Variants in RAI14 observed in about 807,000 individuals in gnomAD.
RAI14 encodes the protein retinoic acid induced 14.
RAI14 carries 45 observed loss-of-function variants against 115.4 expected under a neutral mutation model. The ratio of observed to expected loss-of-function variants is 0.39; its 90% CI spans 0.31 to 0.50. The LOEUF is 0.50. Among genes scored for constraint, RAI14 ranks in the 20% least tolerant of loss-of-function variants. The probability of loss-of-function intolerance (pLI) is 0.85; values close to 1 mark genes in which losing one functional copy is unlikely to be tolerated. For missense variants in RAI14, 939 were observed against 1,131.2 expected, an observed-to-expected ratio of 0.83 and a Z score of 2.44; for synonymous variants, 371 against 415.4, an observed-to-expected ratio of 0.89 and a Z score of 1.30.
intron 3 of RAI14, among the ~76,000 whole-genome samples, chr5:34,787,648 G>A (rs575227486): frequency 1.7e-3 from 254 of 152,144 alleles, no homozygotes; most frequent in African/African-American, 5.4e-3. Context: ...AGGAGGTGAC[G>A]AAAATATTCT....
intron 2 of RAI14, among the ~76,000 whole-genome samples, chr5:34,709,274 C>A (rs1178492469): frequency 6.6e-6 from 1 of 151,996 alleles, no homozygotes; most frequent in Non-Finnish European, 1.5e-5. Context: ...TTGGCGAAAC[C>A]CCGTCTCTAC....
At chr5:34,740,501 A>C (rs1246196038) in intron 2 of RAI14, among the ~76,000 whole-genome samples, 2 of 152,186 alleles carry the variant, frequency 1.3e-5, no homozygotes, top group Non-Finnish European at 2.9e-5. Flanking sequence ...CCCATATGGG[A>C]ACCTCAATGA....
rs1214125761 is a variant in RAI14 at position 34,831,010 on chromosome 5, C to A, written c.*245C>A. The A allele has an allele frequency of 7.9e-6, 5 of 631,762 alleles. No individual in the cohort carries two copies. The East Asian group carries it at 2.2e-4, about 27-fold the overall frequency. The allele number at this position is 631,762 out of a possible 1,614,324, so 39.1% of individuals were successfully genotyped here. A position where few individuals can be genotyped will look rare whatever the true frequency, so the allele number is the denominator to read the frequency against. The stretch of plus-strand genomic sequence containing the variant: ...TCCCTTCAGATTCCAGAGCTGGGAT[C>A]AGCCATGCCCAGAGGTCTGGTCCTG... On this transcript the variant is annotated 3_prime_UTR_variant, in exon 18 of 18. Coordinates refer to ENST00000265109, the MANE Select transcript of RAI14 (RefSeq NM_015577.3).
chr5:34,692,652 A>G (rs995137697), intron 2 of RAI14, among the ~76,000 whole-genome samples: 10 of 152,044 alleles, frequency 6.6e-5, no homozygotes, highest in African/African-American at 2.4e-4. Flanking sequence ...AAAATCAGCA[A>G]TGACCCCACT....
chr5:34,713,807 T>C (rs929685283), intron 2 of RAI14, among the ~76,000 whole-genome samples: 3 of 152,192 alleles, frequency 2.0e-5, no homozygotes, highest in African/African-American at 4.8e-5. Context: ...TGAATTTCTT[T>C]TCTTTTCCTT....
intron 3 of RAI14, among the ~76,000 whole-genome samples, chr5:34,770,851 T>A (rs1018086770): frequency 5.9e-5 from 9 of 152,352 alleles, no homozygotes; most frequent in African/African-American, 1.7e-4. Flanking sequence ...ATCCTGTTTT[T>A]TAAAATATTA....
chr5:34,695,922 A>G (rs1358667931), intron 2 of RAI14, among the ~76,000 whole-genome samples: 2 of 151,622 alleles, frequency 1.3e-5, no homozygotes, highest in African/African-American at 4.9e-5. Context: ...GGCTCAAGCA[A>G]TCCTCTTGCC....
chr5:34,802,660 T>C (rs897488127), intron 4 of RAI14, among the ~76,000 whole-genome samples: 4 of 152,192 alleles, frequency 2.6e-5, no homozygotes, highest in African/African-American at 9.7e-5. Context: ...CTCACCAAGC[T>C]TATATTCTCA....
In RAI14 at chr5:34,757,348, C is replaced by G. The variant is rs554317856; in HGVS notation, c.37-120C>G. The G allele has an allele frequency of 2.1e-5, 24 of 1,152,170 alleles. No individual in the cohort carries two copies. In the African/African-American group the frequency reaches 3.5e-4, roughly 17 times the overall value. The allele number at this position is 1,152,170 out of a possible 1,614,324, so 71.4% of individuals were successfully genotyped here. A position where few individuals can be genotyped will look rare whatever the true frequency, so the allele number is the denominator to read the frequency against. On this transcript the variant is annotated intron_variant, in intron 2 of 17. Coordinates refer to ENST00000265109, the MANE Select transcript of RAI14 (RefSeq NM_015577.3). ...GAAGGTATTTTAAAACACACTCATT[C>G]GGGAGCAGGCTTTAATTTGAGTGAC...
intron 12 of RAI14, among the ~76,000 whole-genome samples, chr5:34,817,513 T>G (rs151087602): frequency 6.6e-6 from 1 of 152,202 alleles, no homozygotes; most frequent in Non-Finnish European, 1.5e-5. Context: ...ATAAATGAAA[T>G]TGTATGTTTA....
chr5:34,796,874 A>C (rs1753603486), intron 4 of RAI14, among the ~76,000 whole-genome samples: 1 of 152,122 alleles, frequency 6.6e-6, no homozygotes, highest in South Asian at 2.1e-4. Flanking sequence ...ATATATACCT[A>C]CACTTTACCC....
intron 1 of RAI14, among the ~76,000 whole-genome samples, chr5:34,666,667 A>G (rs1427790228): frequency 2.6e-5 from 4 of 152,188 alleles, no homozygotes; most frequent in Non-Finnish European, 5.9e-5. Context: ...TCAAAAACCA[A>G]GCAAAAAGGG....
chr5:34,695,404 T>C (rs1739103588), intron 2 of RAI14, among the ~76,000 whole-genome samples: 1 of 152,208 alleles, frequency 6.6e-6, no homozygotes, highest in South Asian at 2.1e-4. Context: ...GCTCCATAGA[T>C]TAACCCAGGA....
intron 4 of RAI14, among the ~76,000 whole-genome samples, chr5:34,801,580 A>T (rs1754264770): frequency 6.6e-6 from 1 of 152,030 alleles, no homozygotes; most frequent in Non-Finnish European, 1.5e-5. Context: ...CATCTCTACT[A>T]AAATACAAAA....
At chr5:34,673,641 T>C (rs1279031016) in intron 1 of RAI14, among the ~76,000 whole-genome samples, 2 of 152,210 alleles carry the variant, frequency 1.3e-5, no homozygotes, top group Non-Finnish European at 2.9e-5. Flanking sequence ...TTGAAATAGC[T>C]TAGGCTAGAA....
At position 34,799,685 on chromosome 5, in the gene RAI14, A is replaced by ATTTTTTTTT. The variant is rs57115550; in HGVS notation, c.256+3672_256+3680dup. Among the ~76,000 whole-genome samples the ATTTTTTTTT allele has an allele frequency of 2.3e-4, 24 of 103,396 alleles. 1 individual carries two copies. The highest frequency in any genetic ancestry group is 9.5e-4 in the African/African-American group (24 of 25,382). The allele number at this position is 103,396 out of a possible 152,430, so 67.8% of individuals were successfully genotyped here. On this transcript the variant is annotated intron_variant, in intron 4 of 17. Coordinates refer to ENST00000265109, the MANE Select transcript of RAI14 (RefSeq NM_015577.3). ...GTTATAGAAGCAAGAATCTGTTAGCATTTTTTTTTTTTTTTTTTTTTTGAC... is the reference window on the plus strand; with the variant it reads ...GTTATAGAAGCAAGAATCTGTTAGCATTTTTTTTTTTTTTTTTTTTTTTTTTTTTTTGAC...
intron 12 of RAI14, among the ~76,000 whole-genome samples, chr5:34,818,207 A>G (rs1377369687): frequency 2.6e-5 from 4 of 152,208 alleles, no homozygotes; most frequent in South Asian, 4.1e-4. Flanking sequence ...AAGTTCCAAG[A>G]ATTTTTATGG....
In RAI14 at chr5:34,746,909, T is replaced by C. The variant is rs192314702; in HGVS notation, c.37-10559T>C. On this transcript the variant is annotated intron_variant, in intron 2 of 17. Coordinates refer to ENST00000265109, the MANE Select transcript of RAI14 (RefSeq NM_015577.3). The stretch of plus-strand genomic sequence containing the variant: ...GGTCTTTCCTGTGCTATTCTCATGA[T>C]AGTGAGTAAGTCTCACGAGATCTAA... Among the ~76,000 whole-genome samples the C allele has an allele frequency of 5.1e-3, 772 of 152,294 alleles. 1 individual carries two copies. Among genetic ancestry groups the C allele is most frequent in the Non-Finnish European group, 8.0e-3 (547 of 68,022 alleles).
At chr5:34,772,093 T>A (rs1365298196) in intron 3 of RAI14, among the ~76,000 whole-genome samples, 1 of 152,062 alleles carries the variant, frequency 6.6e-6, no homozygotes, top group African/African-American at 2.4e-5. Flanking sequence ...TTGTACTTTT[T>A]GTAGAGATGG....
Sources: allele counts gnomAD v4.1 joint callset (sites outside exome capture counted in the v4.1 genomes callset), GRCh38; gene constraint gnomAD v4.1.1; transcripts MANE v1.5; gene names NCBI Gene and HGNC (gene_info 2026-07-23, HGNC 2026-07-21).